ZNF831: variants seen among roughly 807,000 people sequenced by gnomAD.
ZNF831 encodes zinc finger protein 831.
ZNF831 carries 59 observed loss-of-function variants against 95.8 expected under a neutral mutation model. The ratio of observed to expected loss-of-function variants is 0.62; its 90% CI spans 0.50 to 0.77. ZNF831 has a LOEUF of 0.77. Ranked by LOEUF, ZNF831 falls within the 30% of genes least tolerant of loss-of-function variation. The pLI is 0.00. For missense variants in ZNF831, 2,205 were observed against 2,164.0 expected (o/e 1.02, Z -0.38); for synonymous variants, 961 against 925.5 (o/e 1.04, Z -0.70).
chr20:59,232,312 G>T (rs1187085485), intron 4 of ZNF831, among the ~76,000 whole-genome samples: 1 of 152,156 alleles, frequency 6.6e-6, no homozygotes, highest in Non-Finnish European at 1.5e-5. Context: ...ATTAAATGGA[G>T]TTTAAAAAAT....
At chr20:59,184,936 G>T (rs546437967) in intron 1 of ZNF831, among the ~76,000 whole-genome samples, 2 of 152,174 alleles carry the variant, frequency 1.3e-5, no homozygotes, top group African/African-American at 4.8e-5. Flanking sequence ...TTGTGGGGGG[G>T]AATTGGGAGG....
intron 1 of ZNF831, among the ~76,000 whole-genome samples, chr20:59,177,334 T>C (rs941530413): frequency 6.6e-6 from 1 of 152,160 alleles, no homozygotes; most frequent in Non-Finnish European, 1.5e-5. Flanking sequence ...AGAAAGAATT[T>C]AAAAAAATAT....
intron 4 of ZNF831, among the ~76,000 whole-genome samples, chr20:59,211,744 A>G (rs1335606731): frequency 6.6e-6 from 1 of 151,478 alleles, no homozygotes; most frequent in Non-Finnish European, 1.5e-5. Flanking sequence ...CTGGATGGAG[A>G]GATCAGAGCT....
rs561618057 is a variant in ZNF831, at chr20:59,149,563, G to C, written c.-1281+3189G>C. 7.9e-5 allele frequency among the ~76,000 whole-genome samples: 12 copies of C among 152,296 alleles called. No homozygotes were observed. In the South Asian group the frequency reaches 2.3e-3, roughly 29 times the overall value. On this transcript the variant is annotated intron_variant, in intron 2 of 7. Coordinates refer to the ZNF831 transcript ENST00000637017. ...ATCTATTGATCTTACTATAAAATAA[G>C]ATCTCCCTCCTCCAAAAAAAATCGT...
intron 2 of ZNF831, among the ~76,000 whole-genome samples, chr20:59,150,955 T>C (rs1479141667): frequency 3.3e-5 from 5 of 152,188 alleles, no homozygotes; most frequent in African/African-American, 1.2e-4. Context: ...AACGGCTGTG[T>C]CAACCATGCA....
At chr20:59,182,451 G>C (rs1382246403) in intron 1 of ZNF831, among the ~76,000 whole-genome samples, 3 of 152,046 alleles carry the variant, frequency 2.0e-5, no homozygotes, top group Non-Finnish European at 2.9e-5. Flanking sequence ...TCACAGGGAG[G>C]GGGTAAGTGG....
intron 1 of ZNF831, among the ~76,000 whole-genome samples, chr20:59,126,877 G>A (rs1979187888): frequency 1.3e-5 from 2 of 152,162 alleles, no homozygotes; most frequent in South Asian, 2.1e-4. Context: ...TCTGGGTGTT[G>A]GGCTGCAGGA....
At chr20:59,161,289 T>G (rs1197092925), upstream of ZNF831, among the ~76,000 whole-genome samples, 1 of 152,160 alleles carries the variant, frequency 6.6e-6, no homozygotes, top group Non-Finnish European at 1.5e-5. Context: ...TTTTTTTGTT[T>G]TTTTTTGAGA....
At chr20:59,203,685 C>T (rs1568766863) in intron 3 of ZNF831, among the ~76,000 whole-genome samples, 1 of 152,124 alleles carries the variant, frequency 6.6e-6, no homozygotes, top group African/African-American at 2.4e-5. Flanking sequence ...TTTTCAGGGC[C>T]TTTCATTCTG....
intron 4 of ZNF831, among the ~76,000 whole-genome samples, chr20:59,224,994 A>T (rs1485743857): frequency 6.6e-6 from 1 of 151,858 alleles, no homozygotes; most frequent in Non-Finnish European, 1.5e-5. Flanking sequence ...AGAGTAGAAT[A>T]CTGCATGCTT....
intron 1 of ZNF831, among the ~76,000 whole-genome samples, chr20:59,184,391 T>C (rs1982846147): frequency 6.6e-6 from 1 of 151,164 alleles, no homozygotes; most frequent in African/African-American, 2.5e-5. Flanking sequence ...ATGATATAGT[T>C]CCTCTTCCTC....
At chr20:59,172,102 G>A (rs918807805) in intron 1 of ZNF831, among the ~76,000 whole-genome samples, 3 of 152,282 alleles carry the variant, frequency 2.0e-5, no homozygotes, top group Admixed American at 1.3e-4. Flanking sequence ...ACTGGGTAAA[G>A]GGCCGTGAGT....
chr20:59,231,155 C>T (rs932995749), intron 4 of ZNF831, among the ~76,000 whole-genome samples: 2 of 152,324 alleles, frequency 1.3e-5, no homozygotes, highest in Non-Finnish European at 2.9e-5. Flanking sequence ...CCTCTCATAT[C>T]GCTTTAGCCA....
chr20:59,186,385 G>A (rs1983038498), intron 1 of ZNF831, among the ~76,000 whole-genome samples: 1 of 152,182 alleles, frequency 6.6e-6, no homozygotes, highest in African/African-American at 2.4e-5. Flanking sequence ...GGGTGGGGGA[G>A]GAACCGGTAG....
intron 1 of ZNF831, among the ~76,000 whole-genome samples, chr20:59,139,645 T>C (rs1332992503): frequency 6.6e-6 from 1 of 152,156 alleles, no homozygotes. Flanking sequence ...ATGAATGTCA[T>C]GGATGTGGGG....
In ZNF831 at chr20:59,148,404, G is replaced by A. The variant is rs1428275090; in HGVS notation, c.-1281+2030G>A. On this transcript the variant is annotated intron_variant, in intron 2 of 7. Coordinates refer to the ZNF831 transcript ENST00000637017. ...GAAGATGGGTTAGAACAGAGCGGCC[G>A]GGCGCGGTGGCTCACGCCTGTAATC... Among the ~76,000 whole-genome samples, 8 of 148,228 alleles carry A rather than the reference G, an allele frequency of 5.4e-5. 2 individuals carry two copies. Among genetic ancestry groups the A allele is most frequent in the Admixed American group, 2.7e-4 (4 of 15,042 alleles).
chr20:59,253,194 C>A, intron 5 of ZNF831, 56 bp downstream of exon 5: 4 of 1,581,492 alleles, frequency 2.5e-6, no homozygotes, highest in Non-Finnish European at 1.7e-6. Context: ...ATGTATAGCC[C>A]TGCTTGTTCT....
At chr20:59,187,649 A>G (rs1601356466) in intron 1 of ZNF831, among the ~76,000 whole-genome samples, 1 of 152,372 alleles carries the variant, frequency 6.6e-6, no homozygotes, top group East Asian at 1.9e-4. Flanking sequence ...GGTAAAATTC[A>G]CATAACATTA....
intron 4 of ZNF831, among the ~76,000 whole-genome samples, chr20:59,219,204 G>A (rs1985913285): frequency 6.6e-6 from 1 of 152,110 alleles, no homozygotes. Context: ...CCCCATGAGA[G>A]GAGAGGAACA....
Sources: allele counts gnomAD v4.1 joint callset (sites outside exome capture counted in the v4.1 genomes callset), GRCh38; gene constraint gnomAD v4.1.1; transcripts MANE v1.5; gene names NCBI Gene and HGNC (gene_info 2026-07-23, HGNC 2026-07-21).